The following SPTAN1 variants were observed in gnomAD, a reference collection of about 807,000 sequenced individuals.
SPTAN1 encodes spectrin alpha chain, non-erythrocytic 1.
SPTAN1 carries 61 observed loss-of-function variants against 331.3 expected under a neutral mutation model. That is an observed-to-expected ratio of 0.18 (90% CI 0.15 to 0.23). The LOEUF is 0.23. Ranked by LOEUF, SPTAN1 falls within the 10% of genes least tolerant of loss-of-function variation. The pLI, the probability that SPTAN1 is intolerant of heterozygous loss-of-function variation, is 1.00. For missense variants in SPTAN1, 2,043 were observed against 3,147.9 expected (o/e 0.65, Z 8.40); for synonymous variants, 1,153 against 1,173.9 (o/e 0.98, Z 0.36).
intron 40 of SPTAN1, 97 bp downstream of exon 40, chr9:128,613,582 C>T: frequency 9.9e-7 from 1 of 1,012,212 alleles, no homozygotes; most frequent in Non-Finnish European, 1.5e-6. Context: ...AGAGTGACTT[C>T]TTTCACTTAA....
rs1158469578 is a variant in SPTAN1 at position 128,632,169 on chromosome 9, A to G, written c.6805A>G (p.Lys2269Glu). Residue 2269 changes from lysine (K) to glutamate (E), a missense_variant, in exon 53 of 57, where the codon AAG (lysine) becomes GAG (glutamate). By Grantham distance (56) the Lys-to-Glu change is moderately conservative. This residue lies in a region of SPTAN1 where 256 missense variants were observed against 376.4 expected (regional missense o/e 0.68). Transcript: ENST00000372739. ...EIRAMRSQLKKIEDLGAAMEE... is the reference protein window; with the variant it reads ...EIRAMRSQLKEIEDLGAAMEE... Reference sequence around the variant, plus strand: ...CCGAGCCATGAGAAGTCAGCTCAAAAAGATCGAGGACCTGGGGGCCGCCAT... The same window carrying G: ...CCGAGCCATGAGAAGTCAGCTCAAAGAGATCGAGGACCTGGGGGCCGCCAT... 1 of 1,613,460 alleles carries G rather than the reference A, an allele frequency of 6.2e-7. No homozygotes were observed.
At chr9:128,630,881 T>A (rs1859608365) in intron 52 of SPTAN1, among the ~76,000 whole-genome samples, 1 of 152,092 alleles carries the variant, frequency 6.6e-6, no homozygotes, top group African/African-American at 2.4e-5. Flanking sequence ...ATTTTTGTAT[T>A]TTTAGTAGAG....
intron 29 of SPTAN1, 40 bp downstream of exon 29, chr9:128,604,457 T>A (rs1280471343): frequency 6.3e-7 from 1 of 1,578,766 alleles, no homozygotes; most frequent in Middle Eastern, 1.7e-4. Context: ...GAGAAACAGG[T>A]GACTGCTGGT....
In SPTAN1 at chr9:128,629,943, C is replaced by G; in HGVS notation, c.6708-378C>G. On this transcript the variant is annotated intron_variant, in intron 51 of 56. Transcript: ENST00000372739. This position sits in a 1 kb window ranked among gnomAD's most constrained non-coding sequence, Gnocchi z 4.9. ...AGCCTCCCCTCTGCCCTGAGGTCTC[C>G]TGTCTGTCAGGTGTCAGGGTGTGCC... is the stretch of plus-strand genomic sequence containing the variant. 2.7e-6 allele frequency: 1 copy of G among 372,060 alleles called. No individual in the cohort carries two copies. The highest frequency in any genetic ancestry group is 5.2e-6 in the Non-Finnish European group (1 of 191,154). The allele number at this position is 372,060 out of a possible 1,614,324, so 23.0% of individuals were successfully genotyped here.
chr9:128,601,361 C>T (rs1286747353), intron 27 of SPTAN1: 1 of 152,134 alleles, frequency 6.6e-6, no homozygotes, highest in Non-Finnish European at 1.5e-5. Flanking sequence ...CATCTTCCCT[C>T]CTGACCCAGC....
At chr9:128,555,002 G>A (rs1848481265) in intron 1 of SPTAN1, among the ~76,000 whole-genome samples, 1 of 152,216 alleles carries the variant, frequency 6.6e-6, no homozygotes, top group Non-Finnish European at 1.5e-5. Flanking sequence ...GAATCATCTT[G>A]TCCTGGGATC....
chr9:128,576,933 A>G lies in SPTAN1; in HGVS notation c.762A>G (p.Ala254=). 6.2e-7 allele frequency: 1 copy of G among 1,614,162 alleles called. No homozygotes were observed. The highest frequency in any genetic ancestry group is 8.5e-7 in the Non-Finnish European group (1 of 1,180,032). ...ALQRQGKLFG[A]AEVQRFNRDV... ...AGAGGCAGGGGAAGCTCTTTGGGGC[A>G]GCAGAAGTTCAGCGCTTTAACAGGT... Residue 254 remains alanine (A), a synonymous_variant, in exon 6 of 57, where the codon GCA becomes GCG. Coordinates refer to ENST00000372739, the MANE Select transcript of SPTAN1 (RefSeq NM_001130438.3).
At chr9:128,614,338 T>G (rs1856887256) in intron 40 of SPTAN1, among the ~76,000 whole-genome samples, 1 of 152,098 alleles carries the variant, frequency 6.6e-6, no homozygotes, top group Non-Finnish European at 1.5e-5. Context: ...ATGCCTGTAA[T>G]CGTAGCACTT....
At position 128,633,447 on chromosome 9, in the gene SPTAN1, A is replaced by G. The variant is rs957798327; in HGVS notation, c.*113A>G. On this transcript the variant is annotated 3_prime_UTR_variant, in exon 57 of 57. Transcript: ENST00000372739. ...GTAACCTTAAGCCTGCTTAGCTTGGAATAAGACTTAGGAGAAAATGGTGCT... is the reference window on the plus strand; with the variant it reads ...GTAACCTTAAGCCTGCTTAGCTTGGGATAAGACTTAGGAGAAAATGGTGCT... 7 of 1,557,590 alleles carry G rather than the reference A, an allele frequency of 4.5e-6. No individual in the cohort carries two copies. Among genetic ancestry groups the G allele is most frequent in the Non-Finnish European group, 6.1e-6 (7 of 1,140,590 alleles).
intron 1 of SPTAN1, among the ~76,000 whole-genome samples, chr9:128,557,749 T>G (rs1258545697): frequency 1.3e-5 from 2 of 151,946 alleles, no homozygotes; most frequent in African/African-American, 2.4e-5. Flanking sequence ...GTGTTTGATA[T>G]CCTGGATCAT....
At position 128,565,086 on chromosome 9, in the gene SPTAN1, C is replaced by T. The variant is rs1044320702; in HGVS notation, c.-3-1652C>T. Among the ~76,000 whole-genome samples the T allele has an allele frequency of 6.6e-5, 10 of 152,102 alleles. No individual in the cohort carries two copies. The East Asian group carries it at 9.6e-4, about 15-fold the overall frequency. On this transcript the variant is annotated intron_variant, in intron 1 of 56. Coordinates refer to ENST00000372739, the MANE Select transcript of SPTAN1 (RefSeq NM_001130438.3). ...TTGGGAGGCTGAGGCAGGCAGATCA[C>T]GAGGTCAAGAGATCGAGACCATCCT...
intron 31 of SPTAN1, among the ~76,000 whole-genome samples, chr9:128,606,093 C>T (rs1021995483): frequency 2.0e-5 from 3 of 151,880 alleles, no homozygotes; most frequent in African/African-American, 4.8e-5. Flanking sequence ...TCTCTGCAGC[C>T]GGGCACGGTG....
chr9:128,570,222 T>C (rs1400380792), intron 3 of SPTAN1, among the ~76,000 whole-genome samples: 15 of 151,346 alleles, frequency 9.9e-5, no homozygotes, highest in Non-Finnish European at 5.9e-5. Context: ...GTGTTTGGCT[T>C]CAGTAATTAA....
At chr9:128,558,017 A>G (rs1046344007) in intron 1 of SPTAN1, among the ~76,000 whole-genome samples, 1 of 151,972 alleles carries the variant, frequency 6.6e-6, no homozygotes, top group Non-Finnish European at 1.5e-5. Context: ...GTTAGCCAGG[A>G]TGGTCTCAAT....
At chr9:128,611,518 T>A in intron 37 of SPTAN1, 196 bp from the exon 38 acceptor site, 1 of 632,792 alleles carries the variant, frequency 1.6e-6, no homozygotes, top group Non-Finnish European at 2.8e-6. Flanking sequence ...TACATTTCCT[T>A]CCTCCTTTGC....
chr9:128,594,118 G>A (rs955158992), intron 23 of SPTAN1, 57 bp from the exon 24 acceptor site: 3 of 1,575,328 alleles, frequency 1.9e-6, no homozygotes, highest in Admixed American at 3.3e-5. Context: ...CTTTATGTTA[G>A]CATCTACAGC....
At chr9:128,617,132 C>T (rs929329701) in intron 41 of SPTAN1, among the ~76,000 whole-genome samples, 11 of 150,714 alleles carry the variant, frequency 7.3e-5, no homozygotes, top group African/African-American at 2.2e-4. Flanking sequence ...CCAGCTACTC[C>T]GGAGGCTGAG....
chr9:128,581,940 C>A, intron 12 of SPTAN1, 48 bp downstream of exon 12: 1 of 1,360,284 alleles, frequency 7.4e-7, no homozygotes. Context: ...TATAGTAAGC[C>A]AGAGTCTTTT....
At chr9:128,603,313 C>G (rs1379822114) in intron 27 of SPTAN1, among the ~76,000 whole-genome samples, 1 of 151,920 alleles carries the variant, frequency 6.6e-6, no homozygotes, top group Non-Finnish European at 1.5e-5. Flanking sequence ...TTTTTTCACT[C>G]TTCATCAGAT....
Sources: gnomAD v4.1 joint callset for allele counts (sites outside exome capture counted in the v4.1 genomes callset) on GRCh38, gnomAD v4.1.1 for gene constraint, gnomAD v4.1.1 regional missense constraint, Gnocchi (gnomAD v3.1) non-coding constraint, MANE v1.5 for transcripts, NCBI Gene and HGNC (gene_info 2026-07-23, HGNC 2026-07-21) for gene names.